MGME1: variants seen among roughly 807,000 people sequenced by gnomAD.
MGME1 encodes the protein chromosome 20 open reading frame 72.
MGME1 carries 22 observed loss-of-function variants against 33.0 expected under a neutral mutation model. The observed-to-expected ratio is 0.67, with a 90% CI of 0.48 to 0.95. The LOEUF (loss-of-function observed/expected upper bound fraction) is 0.95. Ranked by LOEUF, MGME1 falls within the 40% of genes least tolerant of loss-of-function variation. MGME1 has a pLI of 0.00. For missense variants in MGME1, 383 were observed against 397.8 expected (o/e 0.96, Z 0.32); for synonymous variants, 133 against 144.0 (o/e 0.92, Z 0.55).
intron 1 of MGME1, 123 bp downstream of exon 1, chr20:17,969,264 A>C (rs1221624935): frequency 6.6e-6 from 1 of 152,296 alleles, no homozygotes; most frequent in Admixed American, 6.5e-5. Context: ...GCGGAGCGGG[A>C]GGCGACTTTT....
intron 3 of MGME1, among the ~76,000 whole-genome samples, chr20:17,987,858 AGGGGAT>A (rs977480815): frequency 6.6e-6 from 1 of 152,008 alleles, no homozygotes; most frequent in Non-Finnish European, 1.5e-5. Flanking sequence ...CGACCAGGAT[AGGGGAT>A]GGGGGGAGGA....
intron 3 of MGME1, among the ~76,000 whole-genome samples, chr20:17,980,322 G>A (rs1465143809): frequency 1.3e-5 from 2 of 151,422 alleles, no homozygotes; most frequent in Non-Finnish European, 2.9e-5. Context: ...CACTGTGCCC[G>A]ACCCCACTGA....
In MGME1 at chr20:17,974,061, G is replaced by GTGT. The variant is rs760926414; in HGVS notation, c.512-1622_512-1621insGTT. ...TTGTGTTTGTTGAGTCTCTTTGTGTGTTTTTTTTTTTTTTTTTTTTTTTGA... is the reference window on the plus strand; with the variant it reads ...TTGTGTTTGTTGAGTCTCTTTGTGTGTGTTTTTTTTTTTTTTTTTTTTTTTTGA... On this transcript the variant is annotated intron_variant, in intron 2 of 4. Transcript: ENST00000377710. Among the ~76,000 whole-genome samples, 457 of 85,452 alleles carry GTGT rather than the reference G, an allele frequency of 5.3e-3. 3 individuals carry two copies. Among genetic ancestry groups the GTGT allele is most frequent in the South Asian group, 7.6e-3 (18 of 2,354 alleles). The allele number at this position is 85,452 out of a possible 152,430, so 56.1% of individuals were successfully genotyped here. A position where few individuals can be genotyped will look rare whatever the true frequency, so the allele number is the denominator to read the frequency against.
chr20:17,979,211 G>A (rs1024243799), intron 3 of MGME1, among the ~76,000 whole-genome samples: 2 of 151,194 alleles, frequency 1.3e-5, no homozygotes, highest in Non-Finnish European at 2.9e-5. Flanking sequence ...TGAGTAGTTG[G>A]GACCACAGAT....
upstream of MGME1, chr20:17,968,747 G>C (rs569537525): frequency 1.6e-4 from 62 of 386,336 alleles, no homozygotes; most frequent in African/African-American, 1.2e-3. Context: ...GCCGCGACAC[G>C]GACGGGAAGC....
chr20:17,975,933 C>G (rs1429195815), intron 3 of MGME1, 30 bp downstream of exon 3: 1 of 1,519,550 alleles, frequency 6.6e-7, no homozygotes. Flanking sequence ...TGAATTAATA[C>G]AGCGTAGGAC....
At chr20:17,979,771 C>T (rs2035960021) in intron 3 of MGME1, among the ~76,000 whole-genome samples, 1 of 152,038 alleles carries the variant, frequency 6.6e-6, no homozygotes. Context: ...TTCACTGTCA[C>T]CCATGCTGGA....
intron 3 of MGME1, among the ~76,000 whole-genome samples, chr20:17,985,036 C>CA (rs535060718): frequency 0.01 from 1,073 of 103,068 alleles, 6 homozygotes; most frequent in Non-Finnish European, 0.016. Context: ...GACTTTGTCT[C>CA]AAAAAAAAAA....
chr20:17,988,238 C>T lies in MGME1; in HGVS notation c.804C>T (p.Asn268=). Reference sequence around the variant, plus strand: ...CTTTTATTCAAAGTACATTTGACAACCCACTGCAAGTTGTGGCATACATGG... The same window carrying T: ...CTTTTATTCAAAGTACATTTGACAATCCACTGCAAGTTGTGGCATACATGG... ...PKPFIQSTFD[N]PLQVVAYMGA... The change falls in exon 4 of 5, where the codon AAC becomes AAT. Residue 268 remains asparagine, a synonymous_variant. Coordinates refer to ENST00000377710, the MANE Select transcript of MGME1 (RefSeq NM_052865.4). 2 of 1,614,032 alleles carry T rather than the reference C, an allele frequency of 1.2e-6. No individual in the cohort carries two copies. The highest frequency in any genetic ancestry group is 1.7e-6 in the Non-Finnish European group (2 of 1,179,916).
intron 3 of MGME1, among the ~76,000 whole-genome samples, chr20:17,979,794 A>C (rs1328823632): frequency 6.6e-6 from 1 of 152,002 alleles, no homozygotes; most frequent in Non-Finnish European, 1.5e-5. Context: ...GCAGTGATGC[A>C]TTCAGGGCTC....
chr20:17,980,534 G>T (rs1215085260), intron 3 of MGME1, among the ~76,000 whole-genome samples: 1 of 151,658 alleles, frequency 6.6e-6, no homozygotes, highest in East Asian at 2.0e-4. Context: ...ATCAGGCTGG[G>T]CGCAGTGGCT....
chr20:17,984,879 T>C (rs2036115643), intron 3 of MGME1, among the ~76,000 whole-genome samples: 1 of 151,394 alleles, frequency 6.6e-6, no homozygotes, highest in African/African-American at 2.4e-5. Context: ...TTGCTACAAA[T>C]GCAAAAAATT....
At chr20:17,982,144 T>G (rs1435259098) in intron 3 of MGME1, among the ~76,000 whole-genome samples, 1 of 152,220 alleles carries the variant, frequency 6.6e-6, no homozygotes, top group Non-Finnish European at 1.5e-5. Context: ...ATTTTTTTTC[T>G]TGAGACGGAG....
In MGME1 at chr20:17,975,823, T is replaced by C. The variant is rs146622832; in HGVS notation, c.651T>C (p.Ser217=). 1.4e-5 allele frequency: 23 copies of C among 1,614,016 alleles called. No homozygotes were observed. In the African/African-American group the frequency reaches 2.0e-4, roughly 14 times the overall value. The change falls in exon 3 of 5, where the codon AGT becomes AGC. Residue 217 remains serine, a synonymous_variant. Coordinates refer to ENST00000377710, the MANE Select transcript of MGME1 (RefSeq NM_052865.4). ...TCCAGCATATTCTGAAAGATGTCAG[T>C]GGAGTGCGAGCTCTTGAAAGTGCTG... ...ESVQHILKDV[S]GVRALESAVQ...
At chr20:17,979,469 T>C (rs1486999376) in intron 3 of MGME1, among the ~76,000 whole-genome samples, 1 of 151,936 alleles carries the variant, frequency 6.6e-6, no homozygotes, top group African/African-American at 2.4e-5. Context: ...TGGAGTGCAG[T>C]GGCGCGATCT....
intron 2 of MGME1, 108 bp from the exon 3 acceptor site, chr20:17,975,576 A>C: frequency 1.2e-6 from 1 of 856,692 alleles, no homozygotes. Flanking sequence ...AAAGAAAAAA[A>C]AATGTCATTT....
rs760720939 is a variant in MGME1, at chr20:17,970,036, C to G, written c.177C>G (p.Val59=). ...AATACTCTAATTTAGTTCAGTCTGT[C>G]TTGTCATCCAGAGGCGTCGCCCAGA... The part of the protein sequence containing the change: ...QEKYSNLVQS[V]LSSRGVAQTP... Residue 59 remains valine, a synonymous_variant, in exon 2 of 5, where the codon GTC becomes GTG. Coordinates refer to ENST00000377710, the MANE Select transcript of MGME1 (RefSeq NM_052865.4). 1 of 1,614,168 alleles carries G rather than the reference C, an allele frequency of 6.2e-7. No homozygotes were observed. The highest frequency in any genetic ancestry group is 1.7e-5 in the Admixed American group (1 of 60,022).
intron 3 of MGME1, among the ~76,000 whole-genome samples, chr20:17,985,640 A>G (rs1332308568): frequency 6.6e-6 from 1 of 152,208 alleles, no homozygotes; most frequent in Admixed American, 6.5e-5. Flanking sequence ...TGCAAGCTGC[A>G]TTCGTGGTAG....
Position 17,990,050 on chromosome 20 carries a change from G to A in MGME1, c.976G>A (p.Glu326Lys). 6.2e-7 allele frequency: 1 copy of A among 1,614,026 alleles called. No individual in the cohort carries two copies. The highest frequency in any genetic ancestry group is 2.2e-5 in the East Asian group (1 of 44,874). Residue 326 changes from glutamate (E) to lysine (K), a missense_variant, in exon 5 of 5, where the codon GAA becomes AAA. Coordinates refer to ENST00000377710, the MANE Select transcript of MGME1 (RefSeq NM_052865.4). Reference sequence around the variant, plus strand: ...CTGGACCAAGTGGCTTCTTCGACTAGAAGAATATACGGAAAAGAAAAAGAA... The same window carrying A: ...CTGGACCAAGTGGCTTCTTCGACTAAAAGAATATACGGAAAAGAAAAAGAA... Reference protein sequence around the residue: ...QYWTKWLLRLEEYTEKKKNQN... With the variant: ...QYWTKWLLRLKEYTEKKKNQN...
Sources: gnomAD v4.1 joint callset for allele counts (sites outside exome capture counted in the v4.1 genomes callset) on GRCh38, gnomAD v4.1.1 for gene constraint, MANE v1.5 for transcripts, NCBI Gene and HGNC (gene_info 2026-07-23, HGNC 2026-07-21) for gene names.